Variants in DCC observed in about 807,000 individuals in gnomAD.
DCC encodes the protein netrin receptor DCC.
Under a neutral mutation model 172.5 loss-of-function variants are expected in DCC, and 58 were observed. The ratio of observed to expected loss-of-function variants is 0.34; its 90% CI spans 0.27 to 0.42. The LOEUF (loss-of-function observed/expected upper bound fraction) is 0.42, where lower values mean the gene tolerates loss of function less well. DCC is among the 10% of genes least tolerant of loss of function. The pLI is 1.00. For synonymous variants in DCC, 709 were observed against 644.5 expected (o/e 1.10, Z -1.52); for missense variants, 1,740 against 1,791.0 (o/e 0.97, Z 0.51).
chr18:53,057,461 G>A (rs1040946784), intron 5 of DCC, among the ~76,000 whole-genome samples: 1 of 151,862 alleles, frequency 6.6e-6, no homozygotes, highest in African/African-American at 2.4e-5. Context: ...TTTTGGTTGG[G>A]ATTCCTTGTC....
At chr18:53,440,483 C>G (rs1028204347) in intron 22 of DCC, among the ~76,000 whole-genome samples, 3 of 140,968 alleles carry the variant, frequency 2.1e-5, no homozygotes, top group Admixed American at 1.4e-4. Flanking sequence ...AGTTTGCTCT[C>G]TATTTTTGCA....
chr18:52,907,318 G>A (rs1348089310), intron 3 of DCC, among the ~76,000 whole-genome samples: 1 of 45,894 alleles, frequency 2.2e-5, no homozygotes, highest in African/African-American at 6.0e-5. Context: ...ATATGTATAT[G>A]TATATATCCA....
intron 5 of DCC, among the ~76,000 whole-genome samples, chr18:53,017,183 C>T (rs1362331610): frequency 6.6e-6 from 1 of 151,240 alleles, no homozygotes. Flanking sequence ...TCACGCCATT[C>T]TCCTGCCTCA....
At chr18:52,992,347 C>A (rs1352925060) in intron 5 of DCC, among the ~76,000 whole-genome samples, 3 of 152,094 alleles carry the variant, frequency 2.0e-5, no homozygotes, top group Non-Finnish European at 4.4e-5. Context: ...TTTCAGCTAG[C>A]CTGTTTAGAA....
intron 12 of DCC, among the ~76,000 whole-genome samples, chr18:53,279,971 A>T (rs1341247978): frequency 6.6e-6 from 1 of 152,112 alleles, no homozygotes; most frequent in South Asian, 2.1e-4. Context: ...ATAGTAAAAA[A>T]AAACTACCGT....
At chr18:53,517,172 A>T (rs1376723136) in intron 27 of DCC, among the ~76,000 whole-genome samples, 2 of 145,086 alleles carry the variant, frequency 1.4e-5, no homozygotes, top group Non-Finnish European at 3.0e-5. Flanking sequence ...ATTGGAAATC[A>T]TCATTCTCAG....
At chr18:52,523,207 T>A (rs1250409371) in intron 1 of DCC, among the ~76,000 whole-genome samples, 1 of 152,126 alleles carries the variant, frequency 6.6e-6, no homozygotes, top group Admixed American at 6.5e-5. Context: ...CTCAACTTTA[T>A]ATAAGAAGCA....
chr18:53,016,367 T>C (rs1308198363), intron 5 of DCC, among the ~76,000 whole-genome samples: 2 of 151,872 alleles, frequency 1.3e-5, no homozygotes, highest in Non-Finnish European at 2.9e-5. Context: ...AATAGCAAAA[T>C]AGAACATGCC....
At chr18:52,439,744 A>G (rs1018129668) in intron 1 of DCC, among the ~76,000 whole-genome samples, 4 of 152,192 alleles carry the variant, frequency 2.6e-5, no homozygotes, top group Admixed American at 1.3e-4. Context: ...CTATCAATAA[A>G]TATTTACCTA....
intron 2 of DCC, among the ~76,000 whole-genome samples, chr18:52,846,026 G>C (rs1172385553): frequency 6.6e-6 from 1 of 152,156 alleles, no homozygotes; most frequent in Non-Finnish European, 1.5e-5. Context: ...TGTTCTTCCA[G>C]TTTTTTGTTT....
At chr18:53,270,260 G>A (rs1374716862) in intron 12 of DCC, among the ~76,000 whole-genome samples, 1 of 152,088 alleles carries the variant, frequency 6.6e-6, no homozygotes, top group African/African-American at 2.4e-5. Flanking sequence ...CTCCAAGAAT[G>A]CTTTTGTTCA....
intron 1 of DCC, among the ~76,000 whole-genome samples, chr18:52,539,729 G>A (rs575352903): frequency 6.6e-6 from 1 of 152,268 alleles, no homozygotes; most frequent in South Asian, 2.1e-4. Context: ...TAATAACAAT[G>A]TATTCTGGAA....
chr18:53,038,449 A>G (rs544034815), intron 5 of DCC, among the ~76,000 whole-genome samples: 1 of 152,050 alleles, frequency 6.6e-6, no homozygotes, highest in Admixed American at 6.6e-5. Context: ...ACCTCCAAAT[A>G]CCATTACTTT....
chr18:53,386,202 C>A, intron 16 of DCC, 64 bp downstream of exon 16: 1 of 1,092,906 alleles, frequency 9.1e-7, no homozygotes, highest in Non-Finnish European at 1.4e-6. Context: ...AAAAGAAAAA[C>A]TAAAATAAAA....
At chr18:52,354,390 A>G (rs1295637548) in intron 1 of DCC, among the ~76,000 whole-genome samples, 1 of 152,226 alleles carries the variant, frequency 6.6e-6, no homozygotes, top group Non-Finnish European at 1.5e-5. Flanking sequence ...GGATGTTCTA[A>G]TCGTCCAGAA....
chr18:52,766,554 TAC>T (rs1231109748), intron 2 of DCC, among the ~76,000 whole-genome samples: 47 of 151,552 alleles, frequency 3.1e-4, no homozygotes, highest in African/African-American at 1.1e-3. Flanking sequence ...CTGAAAAGAG[TAC>T]AGTGTGGGGG....
At chr18:52,950,519 A>G (rs548756052) in intron 5 of DCC, among the ~76,000 whole-genome samples, 4 of 152,350 alleles carry the variant, frequency 2.6e-5, no homozygotes, top group African/African-American at 9.6e-5. Flanking sequence ...ACACCCAAAG[A>G]TATTTAAGTC....
chr18:53,339,873 C>G lies in DCC; in HGVS notation c.2325C>G (p.Asp775Glu). 1 of 1,613,798 alleles carries G rather than the reference C, an allele frequency of 6.2e-7. No homozygotes were observed. The highest frequency in any genetic ancestry group is 8.5e-7 in the Non-Finnish European group (1 of 1,179,838). Residue 775 changes from aspartate to glutamate, a missense_variant, in exon 15 of 29, where the codon GAC becomes GAG. By Grantham distance (45) the Asp-to-Glu change is conservative. Coordinates refer to ENST00000442544, the MANE Select transcript of DCC (RefSeq NM_005215.4). ...GSPYAETVRVDSKQRYYSIER... is the reference protein window; with the variant it reads ...GSPYAETVRVESKQRYYSIER... ...CTTACGCTGAGACAGTGCGTGTGGA[C>G]AGCAAGCAGCGATATTATTCCATTG... is the stretch of plus-strand genomic sequence containing the variant.
At chr18:53,477,324 A>G (rs1385400291) in intron 25 of DCC, among the ~76,000 whole-genome samples, 1 of 152,128 alleles carries the variant, frequency 6.6e-6, no homozygotes, top group Non-Finnish European at 1.5e-5. Flanking sequence ...AAATTCTTAA[A>G]CTTTTTGATA....
Sources: allele counts gnomAD v4.1 joint callset (sites outside exome capture counted in the v4.1 genomes callset), GRCh38; gene constraint gnomAD v4.1.1; transcripts MANE v1.5; gene names NCBI Gene and HGNC (gene_info 2026-07-23, HGNC 2026-07-21).